GLI3: variants seen among roughly 807,000 people sequenced by gnomAD.
The protein encoded by GLI3 is transcription activator GLI3.
A neutral mutation model predicts 100.8 loss-of-function variants in GLI3; 20 were observed. The observed-to-expected ratio is 0.20, with a 90% CI of 0.14 to 0.29. The LOEUF is 0.29. GLI3 is among the 10% of genes least tolerant of loss of function. GLI3 has a pLI of 1.00. For synonymous variants in GLI3, 938 were observed against 860.5 expected (o/e 1.09, Z -1.58); for missense variants, 2,040 against 2,128.5 (o/e 0.96, Z 0.82).
intron 13 of GLI3, 128 bp from the exon 14 acceptor site, chr7:41,968,051 T>C (rs1787237399): frequency 1.1e-5 from 9 of 846,870 alleles, no homozygotes; most frequent in Non-Finnish European, 1.8e-5. Context: ...AGAAAAACTA[T>C]GTTCTGGTGA....
intron 3 of GLI3, among the ~76,000 whole-genome samples, chr7:42,110,327 G>C (rs1373725055): frequency 6.6e-6 from 1 of 152,188 alleles, no homozygotes; most frequent in African/African-American, 2.4e-5. Flanking sequence ...AAATAAAGGT[G>C]CATCTCCATT....
chr7:42,109,699 C>CCTT (rs1785659770), intron 3 of GLI3, among the ~76,000 whole-genome samples: 1 of 152,086 alleles, frequency 6.6e-6, no homozygotes. Context: ...GGTTTCAGAA[C>CCTT]AATGAAGAAT....
chr7:42,153,794 G>T (rs1432638307), intron 2 of GLI3, among the ~76,000 whole-genome samples: 1 of 152,144 alleles, frequency 6.6e-6, no homozygotes, highest in Non-Finnish European at 1.5e-5. Context: ...CCCCTCACAA[G>T]CAAACATCTT....
intron 10 of GLI3, among the ~76,000 whole-genome samples, chr7:41,982,250 G>A (rs534922596): frequency 5.3e-5 from 8 of 152,124 alleles, no homozygotes; most frequent in Non-Finnish European, 1.0e-4. Flanking sequence ...CTGCACAGAG[G>A]ATGTAATCAA....
chr7:42,166,211 T>C (rs186941344), intron 2 of GLI3, among the ~76,000 whole-genome samples: 54 of 152,334 alleles, frequency 3.5e-4, no homozygotes, highest in African/African-American at 1.2e-3. Context: ...CCTTGTTTGG[T>C]AATTAGCTAT....
At chr7:42,068,819 G>C (rs780234404) in intron 4 of GLI3, among the ~76,000 whole-genome samples, 7 of 152,092 alleles carry the variant, frequency 4.6e-5, no homozygotes, top group Non-Finnish European at 1.0e-4. Context: ...AAAGGCTGCA[G>C]GGAGCTTCAG....
intron 9 of GLI3, among the ~76,000 whole-genome samples, chr7:42,024,177 C>A (rs1317534748): frequency 6.6e-6 from 1 of 152,148 alleles, no homozygotes; most frequent in Non-Finnish European, 1.5e-5. Context: ...CTCGATTCAA[C>A]CTCTGATCTC....
chr7:42,002,186 G>T lies in GLI3; in HGVS notation c.1497+21282C>A, dbSNP rs1284087909. Among the ~76,000 whole-genome samples, 6 of 152,250 alleles carry T rather than the reference G, an allele frequency of 3.9e-5. No individual in the cohort carries two copies. In the East Asian group the frequency reaches 1.2e-3, roughly 29 times the overall value. On this transcript the variant is annotated intron_variant, in intron 10 of 14. Coordinates refer to ENST00000395925, the MANE Select transcript of GLI3 (RefSeq NM_000168.6). ...ACCCACTTTAAGGCAAAGTTTCTCA[G>T]AGGGTGATGAACGCAGCTATAATGC... is the stretch of plus-strand genomic sequence containing the variant.
chr7:42,248,667 T>C (rs1254194487), intron 1 of GLI3, among the ~76,000 whole-genome samples: 1 of 152,216 alleles, frequency 6.6e-6, no homozygotes, highest in African/African-American at 2.4e-5. Context: ...ATGCATATAG[T>C]AGATGGAAAA....
chr7:41,969,850 T>C (rs1380430264), intron 13 of GLI3, among the ~76,000 whole-genome samples: 3 of 152,206 alleles, frequency 2.0e-5, no homozygotes, highest in Non-Finnish European at 4.4e-5. Flanking sequence ...GCACATCTGG[T>C]CTAAGGATGA....
intron 2 of GLI3, among the ~76,000 whole-genome samples, chr7:42,196,135 G>A (rs1787923919): frequency 6.6e-6 from 1 of 152,164 alleles, no homozygotes; most frequent in Non-Finnish European, 1.5e-5. Context: ...TTCTTCAGAA[G>A]ACAATGCTGG....
chr7:41,965,818 G>A lies in GLI3; in HGVS notation c.3255C>T (p.Asn1085=), dbSNP rs1336159706. The change falls in exon 15 of 15, where the codon AAC becomes AAT. Residue 1085 remains asparagine, a synonymous_variant. Coordinates refer to ENST00000395925, the MANE Select transcript of GLI3 (RefSeq NM_000168.6). The part of the protein sequence containing the change: ...LESLTMDADA[N]LNDEDFLPDD... Reference sequence around the variant, plus strand: ...CCGGCAGGAAATCCTCATCGTTCAGGTTGGCATCAGCGTCCATGGTCAGGG... The same window carrying A: ...CCGGCAGGAAATCCTCATCGTTCAGATTGGCATCAGCGTCCATGGTCAGGG... The A allele has an allele frequency of 6.2e-7, 1 of 1,613,584 alleles. No homozygotes were observed. The highest frequency in any genetic ancestry group is 8.5e-7 in the Non-Finnish European group (1 of 1,179,932).
chr7:42,040,079 T>C lies in GLI3; in HGVS notation c.987A>G (p.Ser329=), dbSNP rs1332866109. ...TILNNSRSSS[S]ASGSYGHLSA... is the part of the protein sequence containing the mutation. Reference sequence around the variant, plus strand: ...ATAAGTGACCATAGGAGCCACTTGCTGAAGAGCTGCTACGGGAATTATTGA... The same window carrying C: ...ATAAGTGACCATAGGAGCCACTTGCCGAAGAGCTGCTACGGGAATTATTGA... The change falls in exon 7 of 15, where the codon TCA becomes TCG. Residue 329 remains serine (S), a synonymous_variant. Coordinates refer to ENST00000395925, the MANE Select transcript of GLI3 (RefSeq NM_000168.6). The C allele has an allele frequency of 6.2e-7, 1 of 1,614,084 alleles. No homozygotes were observed.
intron 10 of GLI3, among the ~76,000 whole-genome samples, chr7:42,020,957 G>A (rs189998706): frequency 2.1e-4 from 32 of 149,770 alleles, no homozygotes; most frequent in African/African-American, 7.6e-4. Context: ...TACCACCAAA[G>A]TAATTAGGTG....
intron 3 of GLI3, among the ~76,000 whole-genome samples, chr7:42,101,135 A>C (rs949191092): frequency 1.3e-5 from 2 of 152,168 alleles, no homozygotes; most frequent in Admixed American, 1.3e-4. Flanking sequence ...AATATTGACA[A>C]GAAACAAAGA....
intron 3 of GLI3, among the ~76,000 whole-genome samples, chr7:42,100,335 G>T (rs968890537): frequency 6.6e-6 from 1 of 152,192 alleles, no homozygotes; most frequent in Non-Finnish European, 1.5e-5. Context: ...CTCACATCTG[G>T]TATATGTAAA....
chr7:42,114,214 T>G (rs528249860), intron 3 of GLI3, among the ~76,000 whole-genome samples: 6 of 152,346 alleles, frequency 3.9e-5, no homozygotes, highest in African/African-American at 1.4e-4. Flanking sequence ...TTAAACAACA[T>G]GCTAAATGCG....
chr7:42,184,330 C>T (rs1483872565), intron 2 of GLI3, among the ~76,000 whole-genome samples: 1 of 152,212 alleles, frequency 6.6e-6, no homozygotes, highest in Non-Finnish European at 1.5e-5. Context: ...GCCCCTGCCG[C>T]AGATCTCCCT....
At chr7:42,006,131 C>T (rs867260058) in intron 10 of GLI3, among the ~76,000 whole-genome samples, 10 of 152,242 alleles carry the variant, frequency 6.6e-5, no homozygotes, top group Admixed American at 5.9e-4. Context: ...TATGGATCCC[C>T]CTGTACTTAA....
Sources: gnomAD v4.1 joint callset for allele counts (sites outside exome capture counted in the v4.1 genomes callset) on GRCh38, gnomAD v4.1.1 for gene constraint, MANE v1.5 for transcripts, NCBI Gene and HGNC (gene_info 2026-07-23, HGNC 2026-07-21) for gene names.